INTS14: variants seen among roughly 807,000 people sequenced by gnomAD.
INTS14 encodes integrator complex subunit 14, also known as UPF0464 protein C15orf44.
INTS14 carries 27 observed loss-of-function variants against 56.9 expected under a neutral mutation model. That is an observed-to-expected ratio of 0.47 (90% CI 0.35 to 0.65). The LOEUF is 0.65. Among genes scored for constraint, INTS14 ranks in the 30% least tolerant of loss-of-function variants. The pLI is 0.00. For missense variants in INTS14, 517 were observed against 632.2 expected (o/e 0.82, Z 1.95); for synonymous variants, 207 against 236.2 (o/e 0.88, Z 1.13).
At chr15:65,600,289 C>G (rs1431706513) in intron 3 of INTS14, among the ~76,000 whole-genome samples, 1 of 149,422 alleles carries the variant, frequency 6.7e-6, no homozygotes, top group Non-Finnish European at 1.5e-5. Flanking sequence ...CCAGCCTAGG[C>G]AACAGAGAGA....
intron 7 of INTS14, among the ~76,000 whole-genome samples, chr15:65,595,143 G>A (rs1157141204): frequency 6.6e-6 from 1 of 152,176 alleles, no homozygotes; most frequent in Non-Finnish European, 1.5e-5. Flanking sequence ...ACCCACCACA[G>A]CACAGTGCCA....
intron 5 of INTS14, 128 bp from the exon 6 acceptor site, chr15:65,598,591 G>A: frequency 9.8e-7 from 1 of 1,019,948 alleles, no homozygotes; most frequent in Non-Finnish European, 1.4e-6. Flanking sequence ...CTGTAAAACA[G>A]AACAAAATCT....
intron 1 of INTS14, among the ~76,000 whole-genome samples, chr15:65,608,066 GA>G (rs1445060428): frequency 6.6e-6 from 1 of 152,144 alleles, no homozygotes; most frequent in Non-Finnish European, 1.5e-5. Context: ...AACTGTGAAG[GA>G]AAAGAACAAA....
intron 2 of INTS14, among the ~76,000 whole-genome samples, chr15:65,606,239 C>T (rs2073643298): frequency 7.5e-6 from 1 of 133,326 alleles, no homozygotes; most frequent in African/African-American, 2.9e-5. Context: ...TGGGCGACAG[C>T]GAGACTCCGT....
intron 11 of INTS14, among the ~76,000 whole-genome samples, chr15:65,580,043 C>A (rs908946013): frequency 1.6e-4 from 24 of 152,196 alleles, no homozygotes; most frequent in Admixed American, 1.2e-3. Flanking sequence ...CGCTCTTAAC[C>A]CTCTGATGCC....
intron 9 of INTS14, chr15:65,586,379 C>G (rs1036027861): frequency 2.0e-5 from 3 of 152,204 alleles, no homozygotes; most frequent in African/African-American, 7.2e-5. Context: ...AAAGCCAACA[C>G]TTTTTCCACC....
At position 65,579,377 on chromosome 15, in the gene INTS14, G is replaced by GAA. The variant is rs751387170; in HGVS notation, c.*29_*30dup. On this transcript the variant is annotated 3_prime_UTR_variant, in exon 12 of 12. Transcript: ENST00000313182. ...TACCTAAAGCATTTTCAGTTGAAAT[G>GAA]AAAAAAGAAGGAAAGCTCCAAAAGT... 1.3e-6 allele frequency: 2 copies of GAA among 1,596,942 alleles called. No individual in the cohort carries two copies. The highest frequency in any genetic ancestry group is 2.2e-5 in the South Asian group (2 of 90,108).
intron 7 of INTS14, among the ~76,000 whole-genome samples, chr15:65,595,365 G>A (rs58187174): frequency 0.012 from 1,902 of 152,248 alleles, 41 homozygotes; most frequent in African/African-American, 0.044. Context: ...TGATTCTTCC[G>A]TGTATAAAGC....
In INTS14 at chr15:65,598,678, A is replaced by G. The variant is rs556032956; in HGVS notation, c.605+194T>C. The G allele has an allele frequency of 6.8e-5, 48 of 704,154 alleles. No individual in the cohort carries two copies. In the African/African-American group the frequency reaches 7.2e-4, roughly 11 times the overall value. 43.6% of individuals were successfully genotyped at this position (704,154 alleles called of 1,614,324 possible). On this transcript the variant is annotated intron_variant, in intron 5 of 11. Transcript: ENST00000313182. ...TTTGAAATTTTGCTGAGTCATTATAAGGAAGTCAGTATCTACAGACAGTAT... is the reference window on the plus strand; with the variant it reads ...TTTGAAATTTTGCTGAGTCATTATAGGGAAGTCAGTATCTACAGACAGTAT...
At chr15:65,598,749 A>C in intron 5 of INTS14, 123 bp downstream of exon 5, 2 of 884,408 alleles carry the variant, frequency 2.3e-6, no homozygotes, top group Non-Finnish European at 3.5e-6. Context: ...TTATCTGAAA[A>C]ATGTACAACT....
chr15:65,589,162 T>C (rs2072935241), intron 9 of INTS14, among the ~76,000 whole-genome samples: 1 of 152,208 alleles, frequency 6.6e-6, no homozygotes. Flanking sequence ...CACAATAGTC[T>C]AGTCAGAGGT....
chr15:65,601,557 G>A (rs1203304565), intron 3 of INTS14, among the ~76,000 whole-genome samples: 1 of 152,168 alleles, frequency 6.6e-6, no homozygotes, highest in Non-Finnish European at 1.5e-5. Context: ...TGGCCAGGAT[G>A]GTCTCGAACT....
At chr15:65,608,188 C>G (rs549496529) in intron 1 of INTS14, among the ~76,000 whole-genome samples, 7 of 151,812 alleles carry the variant, frequency 4.6e-5, no homozygotes, top group Non-Finnish European at 1.0e-4. Flanking sequence ...CCAGCCTGGC[C>G]AATATGGTGA....
At chr15:65,590,087 C>A (rs1377405689) in intron 9 of INTS14, among the ~76,000 whole-genome samples, 1 of 152,188 alleles carries the variant, frequency 6.6e-6, no homozygotes. Context: ...ATTTTCATAT[C>A]CAAACATTAT....
intron 7 of INTS14, among the ~76,000 whole-genome samples, 198 bp downstream of exon 7, chr15:65,595,535 T>C (rs1022105238): frequency 2.0e-5 from 3 of 152,234 alleles, no homozygotes; most frequent in African/African-American, 7.2e-5. Context: ...ACACAGTAAA[T>C]ATGTGTCAAA....
chr15:65,595,447 G>C (rs1008846043), intron 7 of INTS14, among the ~76,000 whole-genome samples: 2 of 152,170 alleles, frequency 1.3e-5, no homozygotes, highest in African/African-American at 4.8e-5. Flanking sequence ...GTTAGTACTA[G>C]GAAAGGCAGA....
intron 9 of INTS14, among the ~76,000 whole-genome samples, chr15:65,590,589 T>A (rs1161683518): frequency 2.6e-5 from 4 of 152,174 alleles, no homozygotes; most frequent in African/African-American, 9.7e-5. Flanking sequence ...AGCAAGTTCC[T>A]CCTTTTCTTC....
At chr15:65,604,199 C>T (rs2073553062) in intron 3 of INTS14, among the ~76,000 whole-genome samples, 1 of 152,194 alleles carries the variant, frequency 6.6e-6, no homozygotes, top group African/African-American at 2.4e-5. Context: ...TCTCCCGCCT[C>T]AGCCTCCAGA....
chr15:65,604,832 T>C (rs1381395581), intron 3 of INTS14, among the ~76,000 whole-genome samples: 3 of 152,076 alleles, frequency 2.0e-5, no homozygotes, highest in Non-Finnish European at 1.5e-5. Context: ...AAAATTATAA[T>C]GACCCCTTCC....
Sources: allele counts gnomAD v4.1 joint callset (sites outside exome capture counted in the v4.1 genomes callset), GRCh38; gene constraint gnomAD v4.1.1; transcripts MANE v1.5; gene names NCBI Gene and HGNC (gene_info 2026-07-23, HGNC 2026-07-21).